THSD4: variants seen among roughly 807,000 people sequenced by gnomAD.
THSD4 encodes thrombospondin type 1 domain containing 4.
THSD4 carries 69 observed loss-of-function variants against 119.0 expected under a neutral mutation model. That is an observed-to-expected ratio of 0.58 (90% CI 0.48 to 0.71). The LOEUF (loss-of-function observed/expected upper bound fraction) is 0.71. Ranked by LOEUF, THSD4 falls within the 30% of genes least tolerant of loss-of-function variation. THSD4 has a pLI of 0.00. For missense variants in THSD4, 1,393 were observed against 1,391.1 expected, an observed-to-expected ratio of 1.00 and a Z score of -0.02; for synonymous variants, 524 against 540.4, an observed-to-expected ratio of 0.97 and a Z score of 0.42.
intron 8 of THSD4, among the ~76,000 whole-genome samples, chr15:71,667,279 A>G (rs1010305808): frequency 6.6e-6 from 1 of 152,216 alleles, no homozygotes; most frequent in African/African-American, 2.4e-5. Context: ...TATTTAAATG[A>G]TTGACATTTT....
chr15:71,311,064 C>A (rs1237268993), intron 6 of THSD4, among the ~76,000 whole-genome samples: 3 of 152,154 alleles, frequency 2.0e-5, no homozygotes, highest in Non-Finnish European at 4.4e-5. Context: ...CTGTGCTCCA[C>A]ACAGTCCTCA....
chr15:71,122,749 A>G (rs1045710675), intron 1 of THSD4, among the ~76,000 whole-genome samples: 1 of 151,914 alleles, frequency 6.6e-6, no homozygotes. Context: ...GCCATTCCCC[A>G]CCCTCTATCA....
intron 3 of THSD4, among the ~76,000 whole-genome samples, chr15:71,155,899 C>T (rs1418759174): frequency 1.3e-5 from 2 of 152,098 alleles, no homozygotes; most frequent in East Asian, 3.9e-4. Flanking sequence ...AACCAGAAGA[C>T]AAGAAGGCTT....
intron 3 of THSD4, among the ~76,000 whole-genome samples, chr15:71,200,390 T>C (rs2043793533): frequency 6.6e-6 from 1 of 152,080 alleles, no homozygotes; most frequent in Non-Finnish European, 1.5e-5. Context: ...TGGCACTGGA[T>C]CCTGGTGAGC....
chr15:71,128,917 T>C (rs2040478589), intron 1 of THSD4, among the ~76,000 whole-genome samples: 1 of 152,078 alleles, frequency 6.6e-6, no homozygotes, highest in Non-Finnish European at 1.5e-5. Flanking sequence ...CAAAGGTGCA[T>C]AGGGAAATCA....
rs546742427 is a variant in THSD4, at chr15:71,670,962, C to T, written c.1357+10228C>T. Among the ~76,000 whole-genome samples, 7 of 152,240 alleles carry T rather than the reference C, an allele frequency of 4.6e-5. No homozygotes were observed. In the East Asian group the frequency reaches 5.8e-4, roughly 13 times the overall value. On this transcript the variant is annotated intron_variant, in intron 8 of 17. Coordinates refer to ENST00000261862, the MANE Select transcript of THSD4 (RefSeq NM_024817.3). ...TGTGAATAGTGCCGCAATAAACATA[C>T]GTGTGCATGTGTCTTTATAGCAGCA...
chr15:71,444,780 ATCT>A (rs1245555791), intron 7 of THSD4, among the ~76,000 whole-genome samples: 1 of 152,058 alleles, frequency 6.6e-6, no homozygotes, highest in Non-Finnish European at 1.5e-5. Context: ...ATTTCACATC[ATCT>A]TCTTTGGACC....
At chr15:71,699,158 T>C (rs1248608552) in intron 8 of THSD4, among the ~76,000 whole-genome samples, 1 of 151,894 alleles carries the variant, frequency 6.6e-6, no homozygotes, top group Non-Finnish European at 1.5e-5. Flanking sequence ...TAGATTGTGG[T>C]GATGTCACAG....
intron 7 of THSD4, among the ~76,000 whole-genome samples, chr15:71,513,623 A>G (rs2048313665): frequency 6.6e-6 from 1 of 152,160 alleles, no homozygotes; most frequent in Non-Finnish European, 1.5e-5. Context: ...CACATTGCTG[A>G]TGGGCGTGTA....
At chr15:71,101,993 A>C (rs1464808292) in intron 1 of THSD4, among the ~76,000 whole-genome samples, 1 of 152,128 alleles carries the variant, frequency 6.6e-6, no homozygotes, top group African/African-American at 2.4e-5. Context: ...GATTACAGGC[A>C]TGAGCCACTG....
intron 6 of THSD4, among the ~76,000 whole-genome samples, chr15:71,401,888 A>G (rs982971528): frequency 9.2e-5 from 14 of 152,218 alleles, no homozygotes; most frequent in South Asian, 2.1e-4. Context: ...TTAAGAAAAT[A>G]TGGCACATAT....
At chr15:71,550,671 A>G (rs1480034355) in intron 7 of THSD4, among the ~76,000 whole-genome samples, 1 of 152,078 alleles carries the variant, frequency 6.6e-6, no homozygotes, top group African/African-American at 2.4e-5. Flanking sequence ...CAATCTCCTG[A>G]CCTCGTGATC....
At chr15:71,110,229 G>A (rs1016878108) in intron 1 of THSD4, 1 of 152,230 alleles carries the variant, frequency 6.6e-6, no homozygotes, top group African/African-American at 2.4e-5. Flanking sequence ...GGAAGGAAAA[G>A]GCAGACGCAG....
At chr15:71,296,469 G>A (rs984183056) in intron 6 of THSD4, among the ~76,000 whole-genome samples, 1 of 152,140 alleles carries the variant, frequency 6.6e-6, no homozygotes, top group African/African-American at 2.4e-5. Context: ...AAGGCCTGTT[G>A]TCTCTATTAG....
At chr15:71,295,085 T>G (rs1187775381) in intron 6 of THSD4, among the ~76,000 whole-genome samples, 1 of 152,118 alleles carries the variant, frequency 6.6e-6, no homozygotes, top group Non-Finnish European at 1.5e-5. Flanking sequence ...ATGCTCTGGT[T>G]GTAGCCTTAA....
chr15:71,283,386 C>T lies in THSD4; in HGVS notation c.1015+26671C>T, dbSNP rs114997623. On this transcript the variant is annotated intron_variant, in intron 6 of 17. Transcript: ENST00000261862. ...GCCCTGTTGCTCACATATGGTTTTA[C>T]GTCACTTATTTCTTGAATGTTAATA... is the stretch of plus-strand genomic sequence containing the variant. Among the ~76,000 whole-genome samples, 845 of 152,184 alleles carry T rather than the reference C, an allele frequency of 5.6e-3. 14 individuals are homozygous for T. The highest frequency in any genetic ancestry group is 0.045 in the South Asian group (217 of 4,804).
In THSD4 at chr15:71,215,305, C is replaced by G. The variant is rs557944956; in HGVS notation, c.370C>G (p.Leu124Val). The change falls in exon 4 of 18, where the codon CTG becomes GTG. Residue 124 changes from leucine to valine, a missense_variant. Leu to Val is a conservative substitution (Grantham distance 32, BLOSUM62 1). Transcript: ENST00000261862. ...LHRSRDETPA[L>V]AGTDASRQGP... ...CCGGAGCCGCGACGAGACGCCAGCG[C>G]TGGCCGGTACGGACGCCAGCCGCCA... 3 of 1,526,428 alleles carry G rather than the reference C, an allele frequency of 2.0e-6. No individual in the cohort carries two copies. The African/African-American group carries it at 4.2e-5, about 21-fold the overall frequency. The allele number at this position is 1,526,428 out of a possible 1,614,324, so 94.6% of individuals were successfully genotyped here. A position where few individuals can be genotyped will look rare whatever the true frequency, so the allele number is the denominator to read the frequency against.
At chr15:71,426,047 G>A (rs565191981) in intron 7 of THSD4, among the ~76,000 whole-genome samples, 1 of 152,272 alleles carries the variant, frequency 6.6e-6, no homozygotes, top group South Asian at 2.1e-4. Flanking sequence ...GCCTTCTGGT[G>A]AAGGGAAAGA....
intron 3 of THSD4, among the ~76,000 whole-genome samples, chr15:71,159,918 T>C (rs957454900): frequency 5.9e-5 from 9 of 152,098 alleles, no homozygotes; most frequent in Non-Finnish European, 1.2e-4. Context: ...TTTATACTAT[T>C]CTGTATACAT....
Sources: allele counts gnomAD v4.1 joint callset (sites outside exome capture counted in the v4.1 genomes callset), GRCh38; gene constraint gnomAD v4.1.1; transcripts MANE v1.5; gene names NCBI Gene and HGNC (gene_info 2026-07-23, HGNC 2026-07-21).